The following SEPHS1 variants were observed in gnomAD, a reference collection of about 807,000 sequenced individuals.
The protein encoded by SEPHS1 is zincore component SEPHS1.
Under a neutral mutation model 39.2 loss-of-function variants are expected in SEPHS1, and 7 were observed. The observed-to-expected ratio is 0.18, with a 90% CI of 0.10 to 0.34. SEPHS1 has a LOEUF of 0.34. Ranked by LOEUF, SEPHS1 falls within the 10% of genes least tolerant of loss-of-function variation. The probability of loss-of-function intolerance (pLI) is 1.00; values close to 1 mark genes in which losing one functional copy is unlikely to be tolerated. For missense variants in SEPHS1, 253 were observed against 514.5 expected (o/e 0.49, Z 4.92); for synonymous variants, 190 against 195.5 (o/e 0.97, Z 0.23).
intron 6 of SEPHS1, 44 bp from the exon 7 acceptor site, chr10:13,328,494 G>A (rs1323441838): frequency 4.5e-6 from 6 of 1,342,050 alleles, no homozygotes; most frequent in Non-Finnish European, 6.4e-6. Context: ...AGAGGAAAAT[G>A]TGATTAATCT....
chr10:13,329,439 A>G (rs1251454032), intron 6 of SEPHS1, among the ~76,000 whole-genome samples: 1 of 152,226 alleles, frequency 6.6e-6, no homozygotes, highest in Non-Finnish European at 1.5e-5. Context: ...AAGTAAACAA[A>G]GCTAACCCCC....
intron 7 of SEPHS1, among the ~76,000 whole-genome samples, 182 bp from the exon 8 acceptor site, chr10:13,323,229 G>A (rs1428670210): frequency 6.6e-6 from 1 of 152,108 alleles, no homozygotes; most frequent in African/African-American, 2.4e-5. Flanking sequence ...TTCACTTTGA[G>A]CCACCTGAAA....
At chr10:13,344,230 C>A (rs1056846866) in intron 2 of SEPHS1, among the ~76,000 whole-genome samples, 2 of 152,108 alleles carry the variant, frequency 1.3e-5, no homozygotes, top group Non-Finnish European at 2.9e-5. Flanking sequence ...AGGCTGGAAC[C>A]GCCTTTCCTA....
rs1285143590 is a variant in SEPHS1 at position 13,348,143 on chromosome 10, C to T, written c.-222G>A. 3 of 144,812 alleles carry T rather than the reference C, an allele frequency of 2.1e-5. No homozygotes were observed. The highest frequency in any genetic ancestry group is 1.4e-4 in the Admixed American group (2 of 14,682). The allele number at this position is 144,812 out of a possible 1,614,324, so 9.0% of individuals were successfully genotyped here. Reference sequence around the variant, plus strand: ...GCGGCGGCGGCGGCGGGGGCCCGGGCCCGCGCCTGGGCGCCGCGGGGGCTC... The same window carrying T: ...GCGGCGGCGGCGGCGGGGGCCCGGGTCCGCGCCTGGGCGCCGCGGGGGCTC... On this transcript the variant is annotated 5_prime_UTR_variant, in exon 1 of 9. Coordinates refer to ENST00000327347, the MANE Select transcript of SEPHS1 (RefSeq NM_012247.5).
At chr10:13,320,496 A>G (rs1482039292) in intron 8 of SEPHS1, among the ~76,000 whole-genome samples, 1 of 151,930 alleles carries the variant, frequency 6.6e-6, no homozygotes, top group African/African-American at 2.4e-5. Context: ...TTATTTCTCT[A>G]AGTAGAAATA....
chr10:13,333,723 A>T, intron 5 of SEPHS1, 94 bp downstream of exon 5: 1 of 1,292,606 alleles, frequency 7.7e-7, no homozygotes, highest in Non-Finnish European at 1.1e-6. Flanking sequence ...CATATGTGTG[A>T]GCCACTGCAC....
At chr10:13,330,577 G>A (rs1833432053) in intron 5 of SEPHS1, among the ~76,000 whole-genome samples, 1 of 152,178 alleles carries the variant, frequency 6.6e-6, no homozygotes, top group Non-Finnish European at 1.5e-5. Context: ...CAGCAGCTGA[G>A]CTCCTGAATC....
chr10:13,336,390 C>G (rs748082771), intron 3 of SEPHS1, 40 bp from the exon 4 acceptor site: 11 of 1,479,312 alleles, frequency 7.4e-6, no homozygotes, highest in African/African-American at 1.4e-5. Context: ...CGACCGGGGA[C>G]TTTCCATCTG....
intron 7 of SEPHS1, among the ~76,000 whole-genome samples, chr10:13,324,743 C>T (rs779623646): frequency 1.4e-4 from 22 of 152,216 alleles, no homozygotes; most frequent in Non-Finnish European, 3.1e-4. Flanking sequence ...TCCCAAGTAG[C>T]TGGGACTAAG....
rs763967212 is a variant in SEPHS1 at position 13,336,199 on chromosome 10, C to G, written c.405+44G>C. 23 of 1,388,356 alleles carry G rather than the reference C, an allele frequency of 1.7e-5. 1 individual carries two copies. The highest frequency in any genetic ancestry group is 2.3e-5 in the Non-Finnish European group (23 of 981,650). The allele number at this position is 1,388,356 out of a possible 1,614,324, so 86.0% of individuals were successfully genotyped here. A position where few individuals can be genotyped will look rare whatever the true frequency, so the allele number is the denominator to read the frequency against. Reference sequence around the variant, plus strand: ...GTCTAACCAAGGCCAGAGATGCCACCGGGACAACACGGACCAGGCAGCAGC... The same window carrying G: ...GTCTAACCAAGGCCAGAGATGCCACGGGGACAACACGGACCAGGCAGCAGC... On this transcript the variant is annotated intron_variant, in intron 4 of 8. Coordinates refer to ENST00000327347, the MANE Select transcript of SEPHS1 (RefSeq NM_012247.5).
intron 7 of SEPHS1, among the ~76,000 whole-genome samples, chr10:13,327,838 A>G (rs1833351112): frequency 6.6e-6 from 1 of 152,248 alleles, no homozygotes; most frequent in Non-Finnish European, 1.5e-5. Flanking sequence ...CTCAGGAACA[A>G]TGGTGAACAA....
intron 2 of SEPHS1, among the ~76,000 whole-genome samples, chr10:13,340,335 T>C (rs1224657679): frequency 6.6e-6 from 1 of 151,972 alleles, no homozygotes. Context: ...AAGTTCAGAA[T>C]GGCAAGTTTC....
chr10:13,342,572 T>A (rs778059447), intron 2 of SEPHS1, among the ~76,000 whole-genome samples: 1 of 152,090 alleles, frequency 6.6e-6, no homozygotes, highest in Admixed American at 6.6e-5. Flanking sequence ...GGCGACACAG[T>A]GAGACTTCAT....
chr10:13,330,557 T>G (rs1454489078), intron 5 of SEPHS1, among the ~76,000 whole-genome samples: 1 of 152,186 alleles, frequency 6.6e-6, no homozygotes, highest in Admixed American at 6.5e-5. Flanking sequence ...AGTTGTGCCT[T>G]TCGCAGCTTC....
In SEPHS1 at chr10:13,318,369, G is replaced by C. The variant is rs1246372689; in HGVS notation, c.*773C>G. The C allele has an allele frequency of 6.6e-6, 1 of 152,540 alleles. No individual in the cohort carries two copies. Among genetic ancestry groups the C allele is most frequent in the Non-Finnish European group, 1.5e-5 (1 of 68,040 alleles). 9.4% of individuals were successfully genotyped at this position (152,540 alleles called of 1,614,324 possible). On this transcript the variant is annotated 3_prime_UTR_variant, in exon 9 of 9. Coordinates refer to ENST00000327347, the MANE Select transcript of SEPHS1 (RefSeq NM_012247.5). ...TAATTATATATTGAATTGTAAATGAGTATTATACATGAACCTCCATTCGGA... is the reference window on the plus strand; with the variant it reads ...TAATTATATATTGAATTGTAAATGACTATTATACATGAACCTCCATTCGGA...
At chr10:13,319,727 G>A (rs988932492) in intron 8 of SEPHS1, among the ~76,000 whole-genome samples, 1 of 152,168 alleles carries the variant, frequency 6.6e-6, no homozygotes, top group Non-Finnish European at 1.5e-5. Context: ...CAATCCACCT[G>A]CCTTGGCCTC....
At chr10:13,325,752 T>G (rs1334664424) in intron 7 of SEPHS1, among the ~76,000 whole-genome samples, 6 of 150,658 alleles carry the variant, frequency 4.0e-5, no homozygotes, top group Admixed American at 3.3e-4. Flanking sequence ...CCAAAATTAG[T>G]GGGGTGTGGT....
chr10:13,336,727 G>A (rs764598932), intron 3 of SEPHS1, among the ~76,000 whole-genome samples: 2 of 152,152 alleles, frequency 1.3e-5, no homozygotes, highest in Admixed American at 6.5e-5. Context: ...GCTATGGAGC[G>A]AAAAAGCCTG....
chr10:13,347,181 G>C (rs1172428405), intron 1 of SEPHS1: 1 of 116,596 alleles, frequency 8.6e-6, no homozygotes, highest in Non-Finnish European at 1.8e-5. Context: ...ACATTTCCAT[G>C]GTTTGGTTTT....
Sources: gnomAD v4.1 joint callset for allele counts (sites outside exome capture counted in the v4.1 genomes callset) on GRCh38, gnomAD v4.1.1 for gene constraint, MANE v1.5 for transcripts, NCBI Gene and HGNC (gene_info 2026-07-23, HGNC 2026-07-21) for gene names.